Variants in CLIC5 observed in about 807,000 individuals in gnomAD.
CLIC5 encodes chloride intracellular channel protein 5.
In CLIC5, 20 loss-of-function variants were observed where a neutral mutation model predicts 24.7. The ratio of observed to expected loss-of-function variants is 0.81; its 90% CI spans 0.57 to 1.18. CLIC5 has a LOEUF of 1.18. Among genes scored for constraint, CLIC5 ranks in the 50% most tolerant of loss-of-function variants. The pLI is 0.00. For synonymous variants in CLIC5, 159 were observed against 135.6 expected, an observed-to-expected ratio of 1.17 and a Z score of -1.20; for missense variants, 341 against 326.1, an observed-to-expected ratio of 1.05 and a Z score of -0.35.
At chr6:46,033,324 C>A (rs1357392585) in intron 1 of CLIC5, among the ~76,000 whole-genome samples, 4 of 151,512 alleles carry the variant, frequency 2.6e-5, no homozygotes, top group Non-Finnish European at 4.4e-5. Flanking sequence ...TGTATGCAGA[C>A]TTATTTTCTT....
intron 1 of CLIC5, among the ~76,000 whole-genome samples, chr6:45,965,012 C>T (rs1458268429): frequency 2.6e-5 from 4 of 152,138 alleles, no homozygotes; most frequent in African/African-American, 4.8e-5. Context: ...TGTTAAACAC[C>T]CTATTTATGA....
the CLIC5 span, among the ~76,000 whole-genome samples, chr6:46,094,229 A>T: frequency 1.5e-4 from 23 of 152,340 alleles, 1 homozygote; most frequent in East Asian, 4.0e-3. Flanking sequence ...GGGCAGGGAC[A>T]CAGATCCAAA....
At chr6:46,112,423 A>G in the CLIC5 span, among the ~76,000 whole-genome samples, 48,054 of 152,046 alleles carry the variant, frequency 0.32, 8,026 homozygotes, top group Middle Eastern at 0.43. Context: ...AACCTGTTTT[A>G]CCACCATAAT....
chr6:45,946,000 T>G (rs1364198770), intron 3 of CLIC5, among the ~76,000 whole-genome samples: 1 of 152,222 alleles, frequency 6.6e-6, no homozygotes, highest in Non-Finnish European at 1.5e-5. Flanking sequence ...TAACCAGCTC[T>G]GGAAGAGTAC....
chr6:46,072,766 T>C (rs1290748226), intron 1 of CLIC5, among the ~76,000 whole-genome samples: 1 of 152,190 alleles, frequency 6.6e-6, no homozygotes, highest in Non-Finnish European at 1.5e-5. Context: ...CATAGCTTAT[T>C]CTACCCCTCC....
intron 1 of CLIC5, among the ~76,000 whole-genome samples, chr6:45,956,519 C>A (rs148822496): frequency 6.7e-6 from 1 of 149,136 alleles, no homozygotes; most frequent in Non-Finnish European, 1.5e-5. Flanking sequence ...AATGCGTTCT[C>A]GAAGCTCAAC....
At chr6:45,940,944 C>T (rs958528141) in intron 4 of CLIC5, among the ~76,000 whole-genome samples, 5 of 152,156 alleles carry the variant, frequency 3.3e-5, no homozygotes, top group Non-Finnish European at 5.9e-5. Flanking sequence ...CAGAAGGCCC[C>T]GCAAGAGAAC....
rs1449427811 is a variant in CLIC5, at chr6:45,898,635, T to C, written c.*4453A>G. 6.6e-6 allele frequency: 1 copy of C among 152,586 alleles called. No homozygotes were observed. Among genetic ancestry groups the C allele is most frequent in the Non-Finnish European group, 1.5e-5 (1 of 68,034 alleles). The allele number at this position is 152,586 out of a possible 1,614,324, so 9.5% of individuals were successfully genotyped here. A position where few individuals can be genotyped will look rare whatever the true frequency, so the allele number is the denominator to read the frequency against. ...TGTTATTCATCACCATAGTTAAAGG[T>C]CTCGAGAAAATCAAGTAACTATCAT... On this transcript the variant is annotated 3_prime_UTR_variant, in exon 6 of 6. Transcript: ENST00000339561.
At chr6:45,929,101 C>T (rs901539688) in intron 4 of CLIC5, among the ~76,000 whole-genome samples, 2 of 152,092 alleles carry the variant, frequency 1.3e-5, no homozygotes, top group African/African-American at 2.4e-5. Context: ...CGCCCACCCA[C>T]GCAGGGCCCA....
exon 1 of CLIC5, chr6:46,079,836 G>T (rs1227885387): frequency 6.4e-7 from 1 of 1,552,212 alleles, no homozygotes; most frequent in Admixed American, 2.0e-5. Context: ...TGAAGGAGAA[G>T]GCAGATCTTC....
chr6:45,941,128 G>T (rs1489818953), intron 4 of CLIC5, among the ~76,000 whole-genome samples: 2 of 152,190 alleles, frequency 1.3e-5, no homozygotes, highest in Non-Finnish European at 2.9e-5. Context: ...CTTGGCCTCT[G>T]GAAAAATCCC....
rs1324121256 is a variant in CLIC5 at position 46,015,653 on chromosome 6, G to A, written c.-111C>T. 2 of 1,328,272 alleles carry A rather than the reference G, an allele frequency of 1.5e-6. No individual in the cohort carries two copies. The highest frequency in any genetic ancestry group is 2.0e-5 in the South Asian group (1 of 50,060). The allele number at this position is 1,328,272 out of a possible 1,614,324, so 82.3% of individuals were successfully genotyped here. Reference sequence around the variant, plus strand: ...GCCCAGCGGGGCTCCTCTTCAGGGCGGTGTTTAATTTTTCACAAAACCATC... The same window carrying A: ...GCCCAGCGGGGCTCCTCTTCAGGGCAGTGTTTAATTTTTCACAAAACCATC... On this transcript the variant is annotated 5_prime_UTR_variant, in exon 1 of 6. Coordinates refer to ENST00000339561, the MANE Select transcript of CLIC5 (RefSeq NM_016929.5).
At chr6:46,029,254 C>T (rs1378732356) in intron 1 of CLIC5, among the ~76,000 whole-genome samples, 2 of 152,196 alleles carry the variant, frequency 1.3e-5, no homozygotes, top group Non-Finnish European at 2.9e-5. Context: ...TGGCACAGTT[C>T]ACTTAACGGC....
intron 4 of CLIC5, among the ~76,000 whole-genome samples, chr6:45,928,141 C>T (rs571204565): frequency 1.0e-3 from 158 of 152,250 alleles, no homozygotes; most frequent in Non-Finnish European, 1.9e-3. Context: ...GTTTTAAAGC[C>T]AAAGTTCCAT....
intron 1 of CLIC5, among the ~76,000 whole-genome samples, chr6:45,958,419 C>CA (rs1764716946): frequency 1.5e-5 from 1 of 66,962 alleles, no homozygotes; most frequent in Non-Finnish European, 3.0e-5. Context: ...GTCAAAAAGA[C>CA]AATTATATAT....
chr6:45,952,734 C>T (rs1428111473), intron 2 of CLIC5, among the ~76,000 whole-genome samples: 1 of 152,126 alleles, frequency 6.6e-6, no homozygotes, highest in Non-Finnish European at 1.5e-5. Context: ...CAGGTGTGAT[C>T]ATGTGAAGGA....
Position 45,941,673 on chromosome 6 carries a change from GT to G in CLIC5, c.300-21del, listed in dbSNP as rs755441466. The G allele has an allele frequency of 5.7e-6, 9 of 1,571,970 alleles. No homozygotes were observed. The African/African-American group carries it at 1.1e-4, about 19-fold the overall frequency. On this transcript the variant is annotated intron_variant, in intron 3 of 5. Transcript: ENST00000339561. ...GGGTACCTGGAATGGAGGATGCAGTGTTCTGTGAATCAGTAGACTTGGAGCT... is the reference window on the plus strand; with the variant it reads ...GGGTACCTGGAATGGAGGATGCAGTGTCTGTGAATCAGTAGACTTGGAGCT...
chr6:45,929,683 C>A (rs1763650939), intron 4 of CLIC5, among the ~76,000 whole-genome samples: 1 of 152,206 alleles, frequency 6.6e-6, no homozygotes, highest in Admixed American at 6.5e-5. Flanking sequence ...GGAGCCTTCA[C>A]CAAGATGGCC....
chr6:45,912,176 C>T, intron 5 of CLIC5: 3 of 986,418 alleles, frequency 3.0e-6, no homozygotes, highest in South Asian at 4.7e-5. Flanking sequence ...GGAGGCCTGA[C>T]TTGGCTTCCC....
Sources: allele counts gnomAD v4.1 joint callset (sites outside exome capture counted in the v4.1 genomes callset), GRCh38; gene constraint gnomAD v4.1.1; transcripts MANE v1.5; gene names NCBI Gene and HGNC (gene_info 2026-07-23, HGNC 2026-07-21).